SMOX: variants seen among roughly 807,000 people sequenced by gnomAD.
SMOX encodes the protein flavin containing amine oxidase.
Under a neutral mutation model 51.0 loss-of-function variants are expected in SMOX, and 22 were observed. The observed-to-expected ratio is 0.43, with a 90% CI of 0.31 to 0.62. SMOX has a LOEUF of 0.62. Ranked by LOEUF, SMOX falls within the 20% of genes least tolerant of loss-of-function variation. The probability of loss-of-function intolerance (pLI) is 0.10; values close to 1 mark genes in which losing one functional copy is unlikely to be tolerated. For synonymous variants in SMOX, 282 were observed against 307.8 expected (o/e 0.92, Z 0.88); for missense variants, 566 against 777.7 (o/e 0.73, Z 3.24).
intron 1 of SMOX, among the ~76,000 whole-genome samples, chr20:4,161,818 C>G (rs1434613967): frequency 6.6e-6 from 1 of 152,222 alleles, no homozygotes; most frequent in Non-Finnish European, 1.5e-5. Flanking sequence ...CCTCCAGAAA[C>G]CTTTTTGAAT....
rs1233564527 is a variant in SMOX, at chr20:4,170,602, G to A, written c.-26-4428G>A. ...ATGAAATTGGGGAGGATGTTCCAGG[G>A]ATGGGATGAAGAAGTGGCAGTTCAC... On this transcript the variant is annotated intron_variant, in intron 1 of 6. Coordinates refer to ENST00000305958, the MANE Select transcript of SMOX (RefSeq NM_175839.3). This position sits in a 1 kb window ranked among gnomAD's most constrained non-coding sequence, Gnocchi z 4.6. Among the ~76,000 whole-genome samples, 1 of 152,164 alleles carries A rather than the reference G, an allele frequency of 6.6e-6. No homozygotes were observed. The highest frequency in any genetic ancestry group is 1.9e-4 in the East Asian group (1 of 5,194).
chr20:4,175,191 C>T lies in SMOX; in HGVS notation c.136C>T (p.Gln46Ter). Residue 46 changes from glutamine to a stop codon, truncating the protein, a stop_gained, in exon 2 of 7, where the codon CAG (glutamine) becomes TAG (stop). Transcript: ENST00000305958. LOFTEE classifies it high-confidence loss of function. The stretch of plus-strand genomic sequence containing the variant: ...GGCTGCAGCCAAAGCACTTCTTGAG[C>T]AGGGTTTCACGGATGTCACTGTGCT... Reference protein sequence around the residue: ...GLAAAKALLEQGFTDVTVLEA... With the variant: ...GLAAAKALLE 6.2e-7 allele frequency: 1 copy of T among 1,614,230 alleles called. No homozygotes were observed. Among genetic ancestry groups the T allele is most frequent in the Non-Finnish European group, 8.5e-7 (1 of 1,180,038 alleles).
chr20:4,150,046 C>T (rs1347615675), intron 1 of SMOX, among the ~76,000 whole-genome samples: 3 of 152,190 alleles, frequency 2.0e-5, no homozygotes, highest in African/African-American at 7.2e-5. Flanking sequence ...AGGTCCTCTC[C>T]CTGTCCCCCT....
rs1406397924 is a variant in SMOX, at chr20:4,149,122, G to T, written c.-27+145G>T. On this transcript the variant is annotated intron_variant, in intron 1 of 6. Coordinates refer to ENST00000305958, the MANE Select transcript of SMOX (RefSeq NM_175839.3). This position sits in a 1 kb window ranked among gnomAD's most constrained non-coding sequence, Gnocchi z 6.0. Reference sequence around the variant, plus strand: ...GGCCCGGGGCTTGGGCGGCCAGCGCGGCGCTCGGGCGCTCGGGCGGGGGTG... The same window carrying T: ...GGCCCGGGGCTTGGGCGGCCAGCGCTGCGCTCGGGCGCTCGGGCGGGGGTG... 1 of 149,150 alleles carries T rather than the reference G, an allele frequency of 6.7e-6. No individual in the cohort carries two copies. Among genetic ancestry groups the T allele is most frequent in the South Asian group, 2.1e-4 (1 of 4,878 alleles). The allele number at this position is 149,150 out of a possible 1,614,324, so 9.2% of individuals were successfully genotyped here. A position where few individuals can be genotyped will look rare whatever the true frequency, so the allele number is the denominator to read the frequency against.
chr20:4,169,290 C>T (rs1986719645), intron 1 of SMOX, among the ~76,000 whole-genome samples: 1 of 152,138 alleles, frequency 6.6e-6, no homozygotes, highest in African/African-American at 2.4e-5. Context: ...GCATGAACCA[C>T]CTGTAATAGC....
chr20:4,150,306 C>G lies in SMOX; in HGVS notation c.-27+1329C>G, dbSNP rs558078243. 3.9e-5 allele frequency among the ~76,000 whole-genome samples: 6 copies of G among 152,270 alleles called. No homozygotes were observed. The South Asian group carries it at 8.3e-4, about 21-fold the overall frequency. On this transcript the variant is annotated intron_variant, in intron 1 of 6. Transcript: ENST00000305958. ...TTCTTTTGCTGGCTTGCCCTGACTT[C>G]GGTCCCACCCCTTCACTGAAACAGC...
chr20:4,181,094 C>A lies in SMOX; in HGVS notation c.436-709C>A, dbSNP rs148759903. Among the ~76,000 whole-genome samples, 11 of 152,254 alleles carry A rather than the reference C, an allele frequency of 7.2e-5. No individual in the cohort carries two copies. The highest frequency in any genetic ancestry group is 2.6e-4 in the African/African-American group (11 of 41,542). On this transcript the variant is annotated intron_variant, in intron 3 of 6. Transcript: ENST00000305958. This position sits in a 1 kb window ranked among gnomAD's most constrained non-coding sequence, Gnocchi z 5.6. ...TCAGACCCCTTTTCAAGTGACTGAT[C>A]GTCGTTATCTGTTGATGAGGTGTGG...
intron 1 of SMOX, among the ~76,000 whole-genome samples, chr20:4,165,276 G>T (rs1723025117): frequency 6.6e-6 from 1 of 151,802 alleles, no homozygotes; most frequent in Non-Finnish European, 1.5e-5. Context: ...GGCTGGTCTC[G>T]AACTCCTGAC....
chr20:4,163,031 G>T (rs1986406366), intron 1 of SMOX, among the ~76,000 whole-genome samples: 5 of 152,174 alleles, frequency 3.3e-5, no homozygotes, highest in Admixed American at 3.3e-4. Flanking sequence ...CGGGGTGGAG[G>T]GAGACCCAAG....
At chr20:4,158,828 C>CAG (rs1213189355) in intron 1 of SMOX, among the ~76,000 whole-genome samples, 1 of 152,082 alleles carries the variant, frequency 6.6e-6, no homozygotes, top group Non-Finnish European at 1.5e-5. Context: ...CCAGCTCAGC[C>CAG]AGCGCACCTC....
At chr20:4,184,948 G>A (rs1195540971) in intron 6 of SMOX, among the ~76,000 whole-genome samples, 1 of 152,188 alleles carries the variant, frequency 6.6e-6, no homozygotes, top group Non-Finnish European at 1.5e-5. Context: ...TGGTCCAAGA[G>A]GGCTGCAGAA....
chr20:4,150,271 A>G lies in SMOX; in HGVS notation c.-27+1294A>G, dbSNP rs113540661. ...TTCTGCACTCGCTCCTTCAGAGCAC[A>G]GCTCTTCCGTTCTTTTGCTGGCTTG... On this transcript the variant is annotated intron_variant, in intron 1 of 6. Coordinates refer to ENST00000305958, the MANE Select transcript of SMOX (RefSeq NM_175839.3). Among the ~76,000 whole-genome samples the G allele has an allele frequency of 2.4e-3, 370 of 152,214 alleles. 5 individuals are homozygous for G. The highest frequency in any genetic ancestry group is 7.1e-3 in the African/African-American group (294 of 41,530).
chr20:4,164,931 A>G (rs1986490264), intron 1 of SMOX, among the ~76,000 whole-genome samples: 1 of 151,838 alleles, frequency 6.6e-6, no homozygotes, highest in African/African-American at 2.4e-5. Flanking sequence ...ATAGTGGAGT[A>G]CAGTGGCATG....
chr20:4,155,779 C>T (rs901576181), intron 1 of SMOX, among the ~76,000 whole-genome samples: 2 of 151,926 alleles, frequency 1.3e-5, no homozygotes, highest in Non-Finnish European at 2.9e-5. Flanking sequence ...GGGTTGAGTC[C>T]CCCCAGTTGC....
chr20:4,157,475 G>T (rs1237723341), intron 1 of SMOX, among the ~76,000 whole-genome samples: 1 of 152,210 alleles, frequency 6.6e-6, no homozygotes, highest in Non-Finnish European at 1.5e-5. Context: ...TGGCCAGTTA[G>T]GTGGGGAGAT....
chr20:4,178,073 G>A (rs897042305), intron 3 of SMOX, among the ~76,000 whole-genome samples: 11 of 152,270 alleles, frequency 7.2e-5, no homozygotes, highest in Admixed American at 3.3e-4. Context: ...ATGGAGTCTC[G>A]CTCTGTCGTC....
intron 1 of SMOX, among the ~76,000 whole-genome samples, chr20:4,173,383 G>A (rs757960835): frequency 6.6e-6 from 1 of 152,190 alleles, no homozygotes; most frequent in Non-Finnish European, 1.5e-5. Context: ...CTGTGTGGTT[G>A]GGAGTGTCAG....
intron 1 of SMOX, among the ~76,000 whole-genome samples, chr20:4,160,325 T>C (rs1568732679): frequency 6.6e-6 from 1 of 151,744 alleles, no homozygotes; most frequent in Non-Finnish European, 1.5e-5. Context: ...CATATCAGTA[T>C]GTGGGGAGGA....
At position 4,166,371 on chromosome 20, in the gene SMOX, A is replaced by C. The variant is rs1986573127; in HGVS notation, c.-26-8659A>C. Among the ~76,000 whole-genome samples the C allele has an allele frequency of 6.6e-6, 1 of 152,018 alleles. No individual in the cohort carries two copies. Among genetic ancestry groups the C allele is most frequent in the Admixed American group, 6.6e-5 (1 of 15,260 alleles). On this transcript the variant is annotated intron_variant, in intron 1 of 6. Coordinates refer to ENST00000305958, the MANE Select transcript of SMOX (RefSeq NM_175839.3). This position sits in a 1 kb window ranked among gnomAD's most constrained non-coding sequence, Gnocchi z 4.2. ...TTGTCTGACTTCTTTTTTTTGAGAC[A>C]AGGTCTTGCTCTGTCTCCCAGGCTG...
Sources: gnomAD v4.1 joint callset for allele counts (sites outside exome capture counted in the v4.1 genomes callset) on GRCh38, gnomAD v4.1.1 for gene constraint, Gnocchi (gnomAD v3.1) non-coding constraint, MANE v1.5 for transcripts, NCBI Gene and HGNC (gene_info 2026-07-23, HGNC 2026-07-21) for gene names.